DNAH9: variants seen among roughly 807,000 people sequenced by gnomAD.
The protein encoded by DNAH9 is dynein axonemal heavy chain 9, also known as DNAH9 variant protein.
Under a neutral mutation model 471.6 loss-of-function variants are expected in DNAH9, and 345 were observed. The observed-to-expected ratio is 0.73, with a 90% CI of 0.67 to 0.80. DNAH9 has a LOEUF of 0.80. Ranked by LOEUF, DNAH9 falls within the 30% of genes least tolerant of loss-of-function variation. The pLI is 0.00. For synonymous variants in DNAH9, 2,093 were observed against 2,123.6 expected, an observed-to-expected ratio of 0.99 and a Z score of 0.40; for missense variants, 5,407 against 5,609.2, an observed-to-expected ratio of 0.96 and a Z score of 1.15.
In DNAH9 at chr17:11,763,605, C is replaced by T. The variant is rs377197840; in HGVS notation, c.7161C>T (p.Val2387=). Residue 2387 remains valine (V), a synonymous_variant, in exon 36 of 69, where the codon GTC becomes GTT. Transcript: ENST00000262442. ...TCTGGGCTTTCGGCGGAGCAATGGT[C>T]CAAGATCAGGTAAGGAGATATGTTG... ...AAIWAFGGAM[V]QDQLVDYRAE... 74 of 1,613,822 alleles carry T rather than the reference C, an allele frequency of 4.6e-5. No homozygotes were observed. The highest frequency in any genetic ancestry group is 1.0e-4 in the Admixed American group (6 of 59,982).
chr17:11,874,785 A>G (rs1972411837), intron 52 of DNAH9, 164 bp from the exon 53 acceptor site: 2 of 604,738 alleles, frequency 3.3e-6, no homozygotes, highest in Non-Finnish European at 5.8e-6. Flanking sequence ...GGACTTTAAT[A>G]GAACCTGCTT....
At chr17:11,846,467 G>T (rs1338612541) in intron 49 of DNAH9, among the ~76,000 whole-genome samples, 1 of 151,164 alleles carries the variant, frequency 6.6e-6, no homozygotes, top group East Asian at 1.9e-4. Flanking sequence ...TTTGGCTTAG[G>T]ATTGACTTGG....
At chr17:11,881,451 C>G in intron 55 of DNAH9, 38 bp downstream of exon 55, 1 of 1,588,496 alleles carries the variant, frequency 6.3e-7, no homozygotes, top group South Asian at 1.1e-5. Context: ...GCCACTAGAG[C>G]CTGCAGTGTA....
intron 32 of DNAH9, among the ~76,000 whole-genome samples, chr17:11,752,189 C>A (rs187743132): frequency 1.3e-5 from 2 of 152,186 alleles, no homozygotes; most frequent in Admixed American, 6.5e-5. Flanking sequence ...CAGGTAATGA[C>A]AATTAGAATC....
At chr17:11,781,852 A>AC (rs1555592787) in intron 39 of DNAH9, among the ~76,000 whole-genome samples, 12 of 149,730 alleles carry the variant, frequency 8.0e-5, no homozygotes, top group African/African-American at 2.0e-4. Context: ...AACAAACAAA[A>AC]AAAAAACTAC....
intron 4 of DNAH9, among the ~76,000 whole-genome samples, chr17:11,614,344 A>G (rs2072698060): frequency 6.6e-6 from 1 of 152,216 alleles, no homozygotes; most frequent in Non-Finnish European, 1.5e-5. Context: ...GATATGAATT[A>G]GAAAACAGTG....
intron 67 of DNAH9, among the ~76,000 whole-genome samples, chr17:11,961,632 T>C (rs1329746890): frequency 2.0e-5 from 3 of 152,218 alleles, no homozygotes; most frequent in African/African-American, 7.2e-5. Context: ...GACTCTGACA[T>C]CAGAGCAGGG....
chr17:11,637,794 T>C (rs1198267661), intron 9 of DNAH9, among the ~76,000 whole-genome samples: 1 of 152,054 alleles, frequency 6.6e-6, no homozygotes, highest in Non-Finnish European at 1.5e-5. Flanking sequence ...CTGTAACTCT[T>C]CCTTCCTCCC....
intron 38 of DNAH9, among the ~76,000 whole-genome samples, chr17:11,778,048 G>A (rs777837596): frequency 6.6e-5 from 10 of 152,132 alleles, no homozygotes; most frequent in South Asian, 4.2e-4. Flanking sequence ...ACTTTAGGGC[G>A]CGTACCAGGG....
At chr17:11,923,171 G>C (rs1040520774) in intron 61 of DNAH9, among the ~76,000 whole-genome samples, 43 of 152,220 alleles carry the variant, frequency 2.8e-4, no homozygotes, top group African/African-American at 1.0e-3. Context: ...CGCCTCCTGG[G>C]TTCAAGTGAT....
chr17:11,731,238 G>A (rs1326865863), intron 28 of DNAH9, among the ~76,000 whole-genome samples: 1 of 152,018 alleles, frequency 6.6e-6, no homozygotes, highest in East Asian at 1.9e-4. Flanking sequence ...CAATGATGGT[G>A]ATGGTGGTGA....
At chr17:11,694,024 T>A (rs1356294146) in intron 21 of DNAH9, 26 bp downstream of exon 21, 2 of 1,607,984 alleles carry the variant, frequency 1.2e-6, no homozygotes, top group Admixed American at 3.5e-5. Context: ...TTACCCCTTC[T>A]CTAATAAGAA....
rs202048857 is a variant in DNAH9, at chr17:11,739,000, C to T, written c.5935C>T (p.Arg1979Cys). ...FITMNPGYAG[R>C]TELPENLKSL... Reference sequence around the variant, plus strand: ...CACCATGAACCCAGGCTATGCTGGCCGCACAGAGCTGCCAGAGAATCTCAA... The same window carrying T: ...CACCATGAACCCAGGCTATGCTGGCTGCACAGAGCTGCCAGAGAATCTCAA... The change falls in exon 29 of 69, where the codon CGC (arginine) becomes TGC (cysteine). Residue 1979 changes from arginine to cysteine, a missense_variant. Transcript: ENST00000262442. 2.5e-6 allele frequency: 4 copies of T among 1,613,964 alleles called. No individual in the cohort carries two copies. Among genetic ancestry groups the T allele is most frequent in the Non-Finnish European group, 3.4e-6 (4 of 1,179,866 alleles).
chr17:11,883,095 C>T lies in DNAH9; in HGVS notation c.10807-491C>T, dbSNP rs115670740. ...GGATACCAGCACCCCACTCCAGCCT[C>T]GAGGAAGCTTTTACACAGTCTGCCA... is the stretch of plus-strand genomic sequence containing the variant. On this transcript the variant is annotated intron_variant, in intron 55 of 68. Coordinates refer to ENST00000262442, the MANE Select transcript of DNAH9 (RefSeq NM_001372.4). 1.9e-3 allele frequency: 1,849 copies of T among 987,572 alleles called. 38 individuals are homozygous for T. The African/African-American group carries it at 0.029, about 16-fold the overall frequency. The allele number at this position is 987,572 out of a possible 1,614,324, so 61.2% of individuals were successfully genotyped here.
chr17:11,760,869 G>A (rs1421150115), intron 35 of DNAH9, among the ~76,000 whole-genome samples: 3 of 152,156 alleles, frequency 2.0e-5, no homozygotes, highest in African/African-American at 4.8e-5. Context: ...CTGCAGCTCC[G>A]CGATGCTCCC....
chr17:11,652,001 A>C (rs1432292769), intron 13 of DNAH9, among the ~76,000 whole-genome samples: 1 of 152,172 alleles, frequency 6.6e-6, no homozygotes, highest in East Asian at 1.9e-4. Flanking sequence ...AAAGTTTGAA[A>C]AAAAAAGATT....
chr17:11,708,047 A>C (rs2074755862), intron 26 of DNAH9, among the ~76,000 whole-genome samples: 2 of 146,722 alleles, frequency 1.4e-5, no homozygotes, highest in African/African-American at 2.6e-5. Flanking sequence ...AGAGAGAGAG[A>C]GAGAGAGAGC....
In DNAH9 at chr17:11,857,415, G is replaced by C. The variant is rs143460787; in HGVS notation, c.9933+2987G>C. Reference sequence around the variant, plus strand: ...GGCACTCCCTGCTAATAACACAGGAGATGGGCTAACACCCATCCCTAACCT... The same window carrying C: ...GGCACTCCCTGCTAATAACACAGGACATGGGCTAACACCCATCCCTAACCT... On this transcript the variant is annotated intron_variant, in intron 50 of 68. Transcript: ENST00000262442. Among the ~76,000 whole-genome samples the C allele has an allele frequency of 1.1e-3, 166 of 152,248 alleles. 1 individual carries two copies. Among genetic ancestry groups the C allele is most frequent in the Middle Eastern group, 3.4e-3 (1 of 294 alleles).
At chr17:11,911,147 T>C (rs958102378) in intron 61 of DNAH9, among the ~76,000 whole-genome samples, 3 of 152,262 alleles carry the variant, frequency 2.0e-5, no homozygotes, top group Admixed American at 6.5e-5. Flanking sequence ...TCCCTTGTTT[T>C]CTTCCAAGAT....
Sources: gnomAD v4.1 joint callset for allele counts (sites outside exome capture counted in the v4.1 genomes callset) on GRCh38, gnomAD v4.1.1 for gene constraint, MANE v1.5 for transcripts, NCBI Gene and HGNC (gene_info 2026-07-23, HGNC 2026-07-21) for gene names.